PTPRQ: variants seen among roughly 807,000 people sequenced by gnomAD.
PTPRQ encodes the protein phosphatidylinositol phosphatase PTPRQ.
PTPRQ carries 199 observed loss-of-function variants against 246.0 expected under a neutral mutation model. The ratio of observed to expected loss-of-function variants is 0.81; its 90% CI spans 0.72 to 0.91. The LOEUF (loss-of-function observed/expected upper bound fraction) is 0.91, where lower values mean the gene tolerates loss of function less well. Ranked by LOEUF, PTPRQ falls within the 40% of genes least tolerant of loss-of-function variation. The pLI, the probability that PTPRQ is intolerant of heterozygous loss-of-function variation, is 0.00. For synonymous variants in PTPRQ, 869 were observed against 853.2 expected (o/e 1.02, Z -0.32); for missense variants, 2,624 against 2,528.4 (o/e 1.04, Z -0.81).
At position 80,541,793 on chromosome 12, in the gene PTPRQ, G is replaced by T; in HGVS notation, c.3393G>T (p.Lys1131Asn). Residue 1131 changes from lysine (K) to asparagine (N), a missense_variant, in exon 21 of 45, where the codon AAG (lysine) becomes AAT (asparagine). Transcript: ENST00000644991. Reference sequence around the variant, plus strand: ...TAAAAATTACTCCATCAACAGAAAAGGGATTCTCTGATACCTATACTGCCC... The same window carrying T: ...TAAAAATTACTCCATCAACAGAAAATGGATTCTCTGATACCTATACTGCCC... ...YILKITPSTE[K>N]GFSDTYTAQL... 6.4e-7 allele frequency: 1 copy of T among 1,550,642 alleles called. No homozygotes were observed. Among genetic ancestry groups the T allele is most frequent in the South Asian group, 1.2e-5 (1 of 83,878 alleles).
intron 44 of PTPRQ, 82 bp from the exon 45 acceptor site, chr12:80,678,904 C>G: frequency 1.4e-6 from 2 of 1,476,338 alleles, no homozygotes; most frequent in Non-Finnish European, 1.8e-6. Flanking sequence ...TTTCTGTCTA[C>G]ATTATATTTT....
At chr12:80,471,946 A>G (rs1278199724) in intron 7 of PTPRQ, among the ~76,000 whole-genome samples, 159 bp from the exon 8 acceptor site, 2 of 152,148 alleles carry the variant, frequency 1.3e-5, no homozygotes, top group East Asian at 1.9e-4. Context: ...GTGCACTACT[A>G]AGCCACATGT....
At chr12:80,668,173 T>C (rs961594491) in intron 39 of PTPRQ, among the ~76,000 whole-genome samples, 2 of 152,002 alleles carry the variant, frequency 1.3e-5, no homozygotes, top group Non-Finnish European at 2.9e-5. Flanking sequence ...CCATTACTAC[T>C]TTTTAACTTA....
intron 43 of PTPRQ, among the ~76,000 whole-genome samples, chr12:80,674,594 A>G (rs1219507358): frequency 6.6e-6 from 1 of 152,178 alleles, no homozygotes; most frequent in South Asian, 2.1e-4. Context: ...TAATACAGAT[A>G]TATTTATCTT....
chr12:80,509,573 C>A (rs915913666), intron 16 of PTPRQ, among the ~76,000 whole-genome samples: 1 of 152,072 alleles, frequency 6.6e-6, no homozygotes, highest in Admixed American at 6.6e-5. Flanking sequence ...TATTACACAG[C>A]AGCTGAGAAA....
At chr12:80,649,755 C>T in intron 37 of PTPRQ, 86 bp downstream of exon 37, 2 of 1,454,420 alleles carry the variant, frequency 1.4e-6, no homozygotes, top group South Asian at 3.0e-5. Context: ...GCAAGCAAGG[C>T]CATGAAGGAC....
chr12:80,481,069 C>T (rs1217492680), intron 8 of PTPRQ, among the ~76,000 whole-genome samples: 1 of 151,832 alleles, frequency 6.6e-6, no homozygotes, highest in African/African-American at 2.4e-5. Context: ...GAGACACAAC[C>T]AAAAAAGAGA....
chr12:80,615,225 A>G (rs1898706280), intron 29 of PTPRQ, among the ~76,000 whole-genome samples: 1 of 150,926 alleles, frequency 6.6e-6, no homozygotes, highest in Non-Finnish European at 1.5e-5. Context: ...ACAAACTCAA[A>G]TATTTTCTCT....
chr12:80,548,883 G>C (rs1896385601), intron 24 of PTPRQ, among the ~76,000 whole-genome samples: 1 of 152,048 alleles, frequency 6.6e-6, no homozygotes, highest in African/African-American at 2.4e-5. Context: ...AGTAAATTCA[G>C]AGAAGCTCTA....
At chr12:80,457,013 T>C (rs534309179) in intron 3 of PTPRQ, among the ~76,000 whole-genome samples, 1 of 152,270 alleles carries the variant, frequency 6.6e-6, no homozygotes, top group Admixed American at 6.5e-5. Flanking sequence ...TTATTCTCAT[T>C]AATGACATTT....
intron 27 of PTPRQ, among the ~76,000 whole-genome samples, chr12:80,608,187 G>T (rs1386218303): frequency 6.6e-6 from 1 of 150,560 alleles, no homozygotes; most frequent in East Asian, 1.9e-4. Context: ...GAGAACCAGA[G>T]TCTAATTGCT....
At position 80,610,469 on chromosome 12, in the gene PTPRQ, A is replaced by G; in HGVS notation, c.4762A>G (p.Ile1588Val). Residue 1588 changes from isoleucine to valine, a missense_variant, in exon 28 of 45, where the codon ATC (isoleucine) becomes GTC (valine). Ile to Val is a conservative substitution (Grantham distance 29). Coordinates refer to ENST00000644991, the MANE Select transcript of PTPRQ (RefSeq NM_001145026.2). ...TAATGATGAATTTAATATATCCTTCATCAAGTCAAATGAAGAAAATAAAAC... is the reference window on the plus strand; with the variant it reads ...TAATGATGAATTTAATATATCCTTCGTCAAGTCAAATGAAGAAAATAAAAC... ...VDNDEFNISFIKSNEENKTIE... is the reference protein window; with the variant it reads ...VDNDEFNISFVKSNEENKTIE... 2 of 1,513,314 alleles carry G rather than the reference A, an allele frequency of 1.3e-6. No homozygotes were observed. Among genetic ancestry groups the G allele is most frequent in the Admixed American group, 2.1e-5 (1 of 48,090 alleles). 93.7% of individuals were successfully genotyped at this position (1,513,314 alleles called of 1,614,324 possible).
At chr12:80,671,699 T>A (rs1209882399) in intron 42 of PTPRQ, among the ~76,000 whole-genome samples, 1 of 152,098 alleles carries the variant, frequency 6.6e-6, no homozygotes, top group African/African-American at 2.4e-5. Flanking sequence ...GTTCTAGAAA[T>A]TTGATGTGTA....
At chr12:80,489,359 T>G (rs1894374512) in intron 9 of PTPRQ, among the ~76,000 whole-genome samples, 1 of 66,748 alleles carries the variant, frequency 1.5e-5, no homozygotes, top group African/African-American at 4.5e-5. Context: ...GAGATAAAAA[T>G]CATCTATCTC....
chr12:80,515,537 C>A (rs984032578), intron 17 of PTPRQ, among the ~76,000 whole-genome samples: 1 of 151,874 alleles, frequency 6.6e-6, no homozygotes, highest in African/African-American at 2.4e-5. Context: ...TCTCCTGCCT[C>A]AGCCTCCCGA....
intron 33 of PTPRQ, among the ~76,000 whole-genome samples, chr12:80,629,283 G>C (rs1899330452): frequency 6.6e-6 from 1 of 152,108 alleles, no homozygotes; most frequent in Admixed American, 6.6e-5. Context: ...TCATTTAACT[G>C]TAATTCCTTT....
At chr12:80,597,137 A>T (rs1897995777) in intron 26 of PTPRQ, among the ~76,000 whole-genome samples, 1 of 151,966 alleles carries the variant, frequency 6.6e-6, no homozygotes, top group Non-Finnish European at 1.5e-5. Context: ...GAGAATTTTG[A>T]CATGCACCTC....
At chr12:80,672,505 A>G (rs554554269) in intron 42 of PTPRQ, among the ~76,000 whole-genome samples, 1 of 152,040 alleles carries the variant, frequency 6.6e-6, no homozygotes, top group African/African-American at 2.4e-5. Flanking sequence ...AACTTCCTCT[A>G]TTAACCATTT....
chr12:80,642,421 GT>G (rs1311118369), intron 35 of PTPRQ, among the ~76,000 whole-genome samples: 62 of 152,236 alleles, frequency 4.1e-4, no homozygotes, highest in African/African-American at 1.4e-3. Context: ...AATGCCCATG[GT>G]TTTCATTTAG....
Sources: gnomAD v4.1 joint callset for allele counts (sites outside exome capture counted in the v4.1 genomes callset) on GRCh38, gnomAD v4.1.1 for gene constraint, MANE v1.5 for transcripts, NCBI Gene and HGNC (gene_info 2026-07-23, HGNC 2026-07-21) for gene names.